GLRA2: variants seen among roughly 807,000 people sequenced by gnomAD.
The protein encoded by GLRA2 is glycine receptor alpha 2.
GLRA2 carries 11 observed loss-of-function variants against 31.6 expected under a neutral mutation model. That is an observed-to-expected ratio of 0.35 (90% CI 0.22 to 0.58). The LOEUF is 0.58. Among genes scored for constraint, GLRA2 ranks in the 20% least tolerant of loss-of-function variants. The probability of loss-of-function intolerance (pLI) is 0.84; values close to 1 mark genes in which losing one functional copy is unlikely to be tolerated. For missense variants in GLRA2, 212 were observed against 351.8 expected, an observed-to-expected ratio of 0.60 and a Z score of 3.18; for synonymous variants, 132 against 134.0, an observed-to-expected ratio of 0.99 and a Z score of 0.10.
At chrX:14,466,213 G>A in the GLRA2 span, among the ~76,000 whole-genome samples, 1 of 110,866 alleles carries the variant, frequency 9.0e-6, no homozygotes, top group Non-Finnish European at 1.9e-5. Context: ...CCACAAATGA[G>A]CAGGTAAGCA....
intron 7 of GLRA2, among the ~76,000 whole-genome samples, chrX:14,645,937 G>C (rs1327998582): frequency 9.0e-6 from 1 of 111,666 alleles, no homozygotes; most frequent in Non-Finnish European, 1.9e-5. Flanking sequence ...CAACCTGACT[G>C]CATGAATACA....
Position 14,648,369 on chromosome X carries a change from GAAAT to G in GLRA2, c.930+39169_930+39172del, listed in dbSNP as rs1008010872. Among the ~76,000 whole-genome samples the G allele has an allele frequency of 2.7e-5, 3 of 111,703 alleles. No homozygotes were observed. In the South Asian group the frequency reaches 1.1e-3, roughly 41 times the overall value. On this transcript the variant is annotated intron_variant, in intron 7 of 8. Transcript: ENST00000218075. ...AAGAATCACATGGGAAATGATATTT[GAAAT>G]AAATCTTGAATAAACATAGATCTAA...
intron 7 of GLRA2, among the ~76,000 whole-genome samples, chrX:14,663,954 A>G (rs920511921): frequency 1.8e-5 from 2 of 111,170 alleles, no homozygotes; most frequent in African/African-American, 6.5e-5. Context: ...TTATATAGCT[A>G]TATTTTCTCT....
At chrX:14,471,109 C>T in the GLRA2 span, among the ~76,000 whole-genome samples, 1 of 111,828 alleles carries the variant, frequency 8.9e-6, no homozygotes, top group African/African-American at 3.2e-5. Context: ...AGGCTCTCAT[C>T]CTAAGAACTT....
At chrX:14,471,206 G>A in the GLRA2 span, among the ~76,000 whole-genome samples, 5 of 111,854 alleles carry the variant, frequency 4.5e-5, no homozygotes, top group East Asian at 1.1e-3. Flanking sequence ...TTAATGAGAA[G>A]AGACCTAATA....
intron 7 of GLRA2, among the ~76,000 whole-genome samples, chrX:14,625,540 C>A (rs1352247994): frequency 9.0e-6 from 1 of 111,243 alleles, no homozygotes; most frequent in African/African-American, 3.3e-5. Flanking sequence ...TAAGGCAGGC[C>A]TGGTGGTGAC....
the GLRA2 span, among the ~76,000 whole-genome samples, chrX:14,463,126 G>A: frequency 9.0e-6 from 1 of 111,586 alleles, no homozygotes; most frequent in Non-Finnish European, 1.9e-5. Context: ...GTCTGTTGGA[G>A]TTTGCTGGAG....
intron 7 of GLRA2, among the ~76,000 whole-genome samples, chrX:14,617,084 CAGTG>C (rs1373945980): frequency 8.9e-6 from 1 of 111,856 alleles, no homozygotes; most frequent in Non-Finnish European, 1.9e-5. Flanking sequence ...GGGAAGCTGA[CAGTG>C]AGAGAAGCTA....
chrX:14,527,688 GAA>G (rs919874369), upstream of GLRA2, among the ~76,000 whole-genome samples: 12 of 111,249 alleles, frequency 1.1e-4, no homozygotes, highest in Non-Finnish European at 2.1e-4. Context: ...AAATTTGAGA[GAA>G]ATAATTTTCT....
chrX:14,679,100 ACACCACCACCACCAC>A (rs748032911), intron 7 of GLRA2, among the ~76,000 whole-genome samples: 31 of 109,864 alleles, frequency 2.8e-4, no homozygotes, highest in Non-Finnish European at 5.3e-4. Context: ...CTCAACATAC[ACACCACCACCACCAC>A]CACCACCACC....
intron 2 of GLRA2, among the ~76,000 whole-genome samples, chrX:14,565,238 G>A (rs1181634281): frequency 8.9e-6 from 1 of 111,901 alleles, no homozygotes; most frequent in Non-Finnish European, 1.9e-5. Context: ...ACTCACTTTA[G>A]TTTCAAAGTC....
intron 2 of GLRA2, among the ~76,000 whole-genome samples, chrX:14,562,022 A>G (rs988096989): frequency 1.8e-5 from 2 of 112,533 alleles, no homozygotes; most frequent in African/African-American, 3.2e-5. Flanking sequence ...GTTCCACGAA[A>G]AGGATGGTCT....
the GLRA2 span, among the ~76,000 whole-genome samples, chrX:14,513,329 C>G: frequency 0.29 from 31,756 of 110,199 alleles, 3,521 homozygotes; most frequent in Non-Finnish European, 0.34. Context: ...AAGATAACAT[C>G]AGAAAAACCC....
the GLRA2 span, among the ~76,000 whole-genome samples, chrX:14,476,690 G>C: frequency 4.4e-4 from 49 of 111,929 alleles, no homozygotes; most frequent in African/African-American, 1.5e-3. Flanking sequence ...ACTACAAGCA[G>C]AGAGTAGAAC....
intron 3 of GLRA2, among the ~76,000 whole-genome samples, chrX:14,578,195 G>A (rs187623969): frequency 2.7e-5 from 3 of 111,926 alleles, no homozygotes; most frequent in African/African-American, 9.7e-5. Flanking sequence ...TTTGTTCCCA[G>A]ATCAAAGGCA....
chrX:14,666,101 T>G (rs187263528), intron 7 of GLRA2, among the ~76,000 whole-genome samples: 59 of 112,060 alleles, frequency 5.3e-4, no homozygotes, highest in Admixed American at 1.3e-3. Context: ...TGAGAGAAAA[T>G]CAGGCAAAAT....
chrX:14,729,806 C>A, intron 8 of GLRA2, among the ~76,000 whole-genome samples: 1 of 111,144 alleles, frequency 9.0e-6, no homozygotes, highest in Admixed American at 9.6e-5. Context: ...TAAATGTTTT[C>A]TGAATGAATG....
the GLRA2 span, among the ~76,000 whole-genome samples, chrX:14,449,081 G>A: frequency 8.9e-6 from 1 of 112,424 alleles, no homozygotes; most frequent in Non-Finnish European, 1.9e-5. Flanking sequence ...ACCTGACCCT[G>A]AGCAGGACAT....
Position 14,581,275 on chromosome X carries a change from A to G in GLRA2, c.363A>G (p.Pro121=). The G allele has an allele frequency of 1.2e-5, 14 of 1,188,241 alleles. No homozygotes were observed. The highest frequency in any genetic ancestry group is 1.6e-5 in the Non-Finnish European group (14 of 874,013). Residue 121 remains proline, a synonymous_variant, in exon 4 of 9, where the codon CCA becomes CCG. Transcript: ENST00000218075. ...CAGATGACTCCCTGGACTTGGACCC[A>G]TCCATGCTAGACTCCATTTGGAAAC... ...EYPDDSLDLD[P]SMLDSIWKPD...
Sources: gnomAD v4.1 joint callset for allele counts (sites outside exome capture counted in the v4.1 genomes callset) on GRCh38, gnomAD v4.1.1 for gene constraint, MANE v1.5 for transcripts, NCBI Gene and HGNC (gene_info 2026-07-23, HGNC 2026-07-21) for gene names.